VSNL1: variants seen among roughly 807,000 people sequenced by gnomAD.
VSNL1 encodes visinin-like protein 1.
Under a neutral mutation model 20.4 loss-of-function variants are expected in VSNL1, and 6 were observed. The ratio of observed to expected loss-of-function variants is 0.29; its 90% CI spans 0.16 to 0.58. The LOEUF (loss-of-function observed/expected upper bound fraction) is 0.58. VSNL1 is among the 20% of genes least tolerant of loss of function. The pLI, the probability that VSNL1 is intolerant of heterozygous loss-of-function variation, is 0.90. For missense variants in VSNL1, 100 were observed against 234.5 expected (o/e 0.43, Z 3.75); for synonymous variants, 93 against 86.4 (o/e 1.08, Z -0.42).
At position 17,655,054 on chromosome 2, in the gene VSNL1, CA is replaced by C; in HGVS notation, c.379-142del. On this transcript the variant is annotated intron_variant, in intron 3 of 3. Coordinates refer to ENST00000295156, the MANE Select transcript of VSNL1 (RefSeq NM_003385.5). This position sits in a 1 kb window ranked among gnomAD's most constrained non-coding sequence, Gnocchi z 5.2. ...TATGGGTTGTCACAGAAACTTGCAG[CA>C]CAAGGAGTGAAACTCCTCTGGGGAA... 1.4e-6 allele frequency: 1 copy of C among 739,614 alleles called. No homozygotes were observed. The highest frequency in any genetic ancestry group is 2.2e-6 in the Non-Finnish European group (1 of 449,946). The allele number at this position is 739,614 out of a possible 1,614,324, so 45.8% of individuals were successfully genotyped here.
rs1666242240 is a variant in VSNL1, at chr2:17,656,776, C to G, written c.*1382C>G. On this transcript the variant is annotated 3_prime_UTR_variant, in exon 4 of 4. Transcript: ENST00000295156. ...GGAAGGTCTACATCTGCACAGCACGCTAGCTATAACTGCACATATGGCTAC... is the reference window on the plus strand; with the variant it reads ...GGAAGGTCTACATCTGCACAGCACGGTAGCTATAACTGCACATATGGCTAC... 1.3e-5 allele frequency: 2 copies of G among 152,216 alleles called. No homozygotes were observed. The highest frequency in any genetic ancestry group is 4.1e-4 in the South Asian group (2 of 4,834). The allele number at this position is 152,216 out of a possible 1,614,324, so 9.4% of individuals were successfully genotyped here. A position where few individuals can be genotyped will look rare whatever the true frequency, so the allele number is the denominator to read the frequency against.
At chr2:17,543,333 C>T (rs1663334775) in intron 1 of VSNL1, among the ~76,000 whole-genome samples, 1 of 152,210 alleles carries the variant, frequency 6.6e-6, no homozygotes, top group South Asian at 2.1e-4. Context: ...TTCCATCTTT[C>T]CCTGCTGTGT....
chr2:17,579,538 C>T (rs891368532), intron 1 of VSNL1, among the ~76,000 whole-genome samples: 1 of 152,196 alleles, frequency 6.6e-6, no homozygotes, highest in Non-Finnish European at 1.5e-5. Flanking sequence ...AGGGTTTGTT[C>T]TTACAATGAC....
At chr2:17,623,808 T>C (rs1036203777) in intron 2 of VSNL1, among the ~76,000 whole-genome samples, 3 of 152,100 alleles carry the variant, frequency 2.0e-5, no homozygotes, top group Admixed American at 2.0e-4. Context: ...TAAATTCAGA[T>C]CCTCTCCTTC....
rs1665714140 is a variant in VSNL1 at position 17,634,719 on chromosome 2, G to A, written c.163-14691G>A. The stretch of plus-strand genomic sequence containing the variant: ...GTATGTTCGTTTTTTGTTTTGCTGA[G>A]ATCACAACTGCCAAAGAAGAGAAAA... On this transcript the variant is annotated intron_variant, in intron 2 of 3. Coordinates refer to ENST00000295156, the MANE Select transcript of VSNL1 (RefSeq NM_003385.5). This position sits in a 1 kb window ranked among gnomAD's most constrained non-coding sequence, Gnocchi z 4.3. Among the ~76,000 whole-genome samples the A allele has an allele frequency of 6.6e-6, 1 of 152,156 alleles. No individual in the cohort carries two copies. The highest frequency in any genetic ancestry group is 2.4e-5 in the African/African-American group (1 of 41,428).
chr2:17,613,291 A>C (rs1665135709), intron 2 of VSNL1, among the ~76,000 whole-genome samples: 2 of 152,190 alleles, frequency 1.3e-5, no homozygotes, highest in Admixed American at 1.3e-4. Context: ...GGAAAATACT[A>C]ATTGAGATAG....
At chr2:17,553,645 AT>A (rs1663601499) in intron 1 of VSNL1, among the ~76,000 whole-genome samples, 1 of 152,254 alleles carries the variant, frequency 6.6e-6, no homozygotes, top group Admixed American at 6.5e-5. Flanking sequence ...AAATGGAAAA[AT>A]AATGGACTAT....
intron 2 of VSNL1, among the ~76,000 whole-genome samples, chr2:17,644,262 A>G (rs2103424990): frequency 6.6e-6 from 1 of 152,216 alleles, no homozygotes; most frequent in East Asian, 1.9e-4. Context: ...CCCAACACTA[A>G]CCTTCTGCCC....
At chr2:17,552,460 AATTTTTTT>A (rs1288386675) in intron 1 of VSNL1, among the ~76,000 whole-genome samples, 1 of 152,102 alleles carries the variant, frequency 6.6e-6, no homozygotes, top group Non-Finnish European at 1.5e-5. Flanking sequence ...TTTATTTTTT[AATTTTTTT>A]ATTAGGGAAA....
At chr2:17,644,452 T>A (rs1385772910) in intron 2 of VSNL1, among the ~76,000 whole-genome samples, 1 of 152,022 alleles carries the variant, frequency 6.6e-6, no homozygotes, top group Non-Finnish European at 1.5e-5. Flanking sequence ...AGGGGCCCCT[T>A]AGGGAGCCTC....
intron 2 of VSNL1, among the ~76,000 whole-genome samples, chr2:17,639,803 A>C (rs962598047): frequency 2.6e-5 from 4 of 152,250 alleles, no homozygotes; most frequent in African/African-American, 9.6e-5. Context: ...AAAGAAGGGA[A>C]GCCCAATGCC....
chr2:17,617,688 G>T (rs896084259), intron 2 of VSNL1, among the ~76,000 whole-genome samples: 2 of 152,050 alleles, frequency 1.3e-5, no homozygotes, highest in Non-Finnish European at 2.9e-5. Context: ...GGTGGTGACC[G>T]CATCACACAG....
intron 1 of VSNL1, among the ~76,000 whole-genome samples, chr2:17,569,288 C>T (rs1339407321): frequency 1.3e-5 from 2 of 149,148 alleles, no homozygotes; most frequent in Non-Finnish European, 3.0e-5. Flanking sequence ...GCCTGGGCAA[C>T]AGAGCGAGAC....
At chr2:17,555,043 A>G (rs1663640609) in intron 1 of VSNL1, among the ~76,000 whole-genome samples, 1 of 152,164 alleles carries the variant, frequency 6.6e-6, no homozygotes, top group Non-Finnish European at 1.5e-5. Context: ...TTAAAGGAAA[A>G]TCTTTGTGCA....
At chr2:17,605,967 A>G (rs1664935961) in intron 2 of VSNL1, among the ~76,000 whole-genome samples, 1 of 152,270 alleles carries the variant, frequency 6.6e-6, no homozygotes, top group Non-Finnish European at 1.5e-5. Flanking sequence ...CATTGTTCCA[A>G]GCACTCTGCA....
chr2:17,598,726 A>G (rs1664763702), intron 2 of VSNL1, among the ~76,000 whole-genome samples: 1 of 152,220 alleles, frequency 6.6e-6, no homozygotes, highest in African/African-American at 2.4e-5. Flanking sequence ...AGAAAGGATA[A>G]GAGTCACTAA....
At chr2:17,593,469 A>T (rs1664641198) in intron 2 of VSNL1, among the ~76,000 whole-genome samples, 1 of 152,224 alleles carries the variant, frequency 6.6e-6, no homozygotes, top group Non-Finnish European at 1.5e-5. Flanking sequence ...CAATAAAATC[A>T]TATAAAAAGA....
chr2:17,572,655 A>G (rs139711620), intron 1 of VSNL1, among the ~76,000 whole-genome samples: 29 of 152,346 alleles, frequency 1.9e-4, no homozygotes, highest in Non-Finnish European at 2.6e-4. Context: ...TTGGAGTCAT[A>G]CAGGTAGTGA....
chr2:17,607,956 T>C (rs1317418406), intron 2 of VSNL1, among the ~76,000 whole-genome samples: 1 of 152,070 alleles, frequency 6.6e-6, no homozygotes, highest in Admixed American at 6.5e-5. Context: ...ATTCTGAGAG[T>C]CAAGTAGCTA....
Sources: allele counts gnomAD v4.1 joint callset (sites outside exome capture counted in the v4.1 genomes callset), GRCh38; gene constraint gnomAD v4.1.1; non-coding constraint Gnocchi (gnomAD v3.1); transcripts MANE v1.5; gene names NCBI Gene and HGNC (gene_info 2026-07-23, HGNC 2026-07-21).